The following CAMK1D variants were observed in gnomAD, a reference collection of about 807,000 sequenced individuals.
The protein encoded by CAMK1D is calcium/calmodulin dependent protein kinase ID.
In CAMK1D, 9 loss-of-function variants were observed where a neutral mutation model predicts 47.7. The ratio of observed to expected loss-of-function variants is 0.19; its 90% CI spans 0.11 to 0.33. CAMK1D has a LOEUF of 0.33. Among genes scored for constraint, CAMK1D ranks in the 10% least tolerant of loss-of-function variants. The pLI, the probability that CAMK1D is intolerant of heterozygous loss-of-function variation, is 1.00. For synonymous variants in CAMK1D, 184 were observed against 184.9 expected (o/e 0.99, Z 0.04); for missense variants, 291 against 488.7 (o/e 0.60, Z 3.81).
intron 3 of CAMK1D, among the ~76,000 whole-genome samples, chr10:12,734,284 C>T (rs1377173123): frequency 2.9e-5 from 4 of 136,400 alleles, no homozygotes; most frequent in Non-Finnish European, 6.1e-5. Context: ...GATCATGCCA[C>T]TGCACTCCAG....
intron 1 of CAMK1D, among the ~76,000 whole-genome samples, chr10:12,380,821 A>C (rs1838319190): frequency 6.6e-6 from 1 of 152,230 alleles, no homozygotes. Context: ...GCACCACTGC[A>C]CTTCAGCCTG....
chr10:12,366,000 G>T (rs1261890670), intron 1 of CAMK1D, among the ~76,000 whole-genome samples: 1 of 152,242 alleles, frequency 6.6e-6, no homozygotes, highest in African/African-American at 2.4e-5. Flanking sequence ...AGGCTGCAGT[G>T]AGCAGAGATC....
intron 1 of CAMK1D, among the ~76,000 whole-genome samples, chr10:12,377,407 G>C (rs977881752): frequency 2.4e-4 from 36 of 152,192 alleles, no homozygotes; most frequent in African/African-American, 8.7e-4. Flanking sequence ...CCTCTTATAT[G>C]AGTGGATGTT....
At chr10:12,379,766 A>G (rs981093297) in intron 1 of CAMK1D, among the ~76,000 whole-genome samples, 2 of 152,190 alleles carry the variant, frequency 1.3e-5, no homozygotes, top group African/African-American at 4.8e-5. Context: ...CAATCAATTA[A>G]TCAATGAAAG....
rs775845597 is a variant in CAMK1D, at chr10:12,542,835, T to C, written c.93-10390T>C. 6.1e-4 allele frequency among the ~76,000 whole-genome samples: 93 copies of C among 152,214 alleles called. 2 individuals carry two copies. The highest frequency in any genetic ancestry group is 2.6e-4 in the Admixed American group (4 of 15,288). Reference sequence around the variant, plus strand: ...TCAGCTCGCTGCAACAACCTCCGCCTCCCGGGTTTGAGCAATTCTCCTGCC... The same window carrying C: ...TCAGCTCGCTGCAACAACCTCCGCCCCCCGGGTTTGAGCAATTCTCCTGCC... On this transcript the variant is annotated intron_variant, in intron 1 of 10. Coordinates refer to ENST00000619168, the MANE Select transcript of CAMK1D (RefSeq NM_153498.4).
chr10:12,440,190 T>C lies in CAMK1D; in HGVS notation c.92+90280T>C, dbSNP rs139916754. 4.6e-5 allele frequency among the ~76,000 whole-genome samples: 7 copies of C among 152,316 alleles called. No homozygotes were observed. The East Asian group carries it at 1.4e-3, about 29-fold the overall frequency. On this transcript the variant is annotated intron_variant, in intron 1 of 10. Coordinates refer to ENST00000619168, the MANE Select transcript of CAMK1D (RefSeq NM_153498.4). Reference sequence around the variant, plus strand: ...TGGGTTTGGCCTGGGATTCATTTCCTTGAAACTCTTCATAAAAGTCTTACT... The same window carrying C: ...TGGGTTTGGCCTGGGATTCATTTCCCTGAAACTCTTCATAAAAGTCTTACT...
At chr10:12,532,558 C>T (rs756273732) in intron 1 of CAMK1D, among the ~76,000 whole-genome samples, 3 of 152,192 alleles carry the variant, frequency 2.0e-5, no homozygotes, top group East Asian at 1.9e-4. Flanking sequence ...GGATTACAGG[C>T]GTGAGCCACC....
chr10:12,505,470 C>G (rs571031485), intron 1 of CAMK1D, among the ~76,000 whole-genome samples: 6 of 152,306 alleles, frequency 3.9e-5, no homozygotes, highest in Non-Finnish European at 7.4e-5. Context: ...CTAATGTGAC[C>G]AGTGTCAGTG....
rs553499056 is a variant in CAMK1D at position 12,450,572 on chromosome 10, T to C, written c.92+100662T>C. On this transcript the variant is annotated intron_variant, in intron 1 of 10. Transcript: ENST00000619168. Reference sequence around the variant, plus strand: ...GGTGTCTCCAGCTGGGCTTGGCTTGTAGATTGGGCAGCTCACACATGGACA... The same window carrying C: ...GGTGTCTCCAGCTGGGCTTGGCTTGCAGATTGGGCAGCTCACACATGGACA... 1.2e-4 allele frequency among the ~76,000 whole-genome samples: 19 copies of C among 152,280 alleles called. No homozygotes were observed. In the East Asian group the frequency reaches 3.5e-3, roughly 28 times the overall value.
rs1245213141 is a variant in CAMK1D at position 12,694,539 on chromosome 10, TA to T, written c.299+27733del. Among the ~76,000 whole-genome samples, 5 of 82,788 alleles carry T rather than the reference TA, an allele frequency of 6.0e-5. No homozygotes were observed. In the South Asian group the frequency reaches 1.5e-3, roughly 25 times the overall value. 54.3% of individuals were successfully genotyped at this position (82,788 alleles called of 152,430 possible). The stretch of plus-strand genomic sequence containing the variant: ...AAATATATATGATATATATTATGTA[TA>T]AAATATATATTATATATAAAATATA... On this transcript the variant is annotated intron_variant, in intron 3 of 10. Coordinates refer to ENST00000619168, the MANE Select transcript of CAMK1D (RefSeq NM_153498.4).
chr10:12,691,525 G>A (rs760463100), intron 3 of CAMK1D, among the ~76,000 whole-genome samples: 30 of 147,430 alleles, frequency 2.0e-4, no homozygotes, highest in Non-Finnish European at 3.6e-4. Flanking sequence ...CTCTGCCTCC[G>A]GGATTCAAGG....
intron 2 of CAMK1D, among the ~76,000 whole-genome samples, chr10:12,583,608 T>TA (rs10683956): frequency 0.078 from 11,583 of 149,074 alleles, 522 homozygotes; most frequent in East Asian, 0.15. Flanking sequence ...TTGTTTTATT[T>TA]TTTTTTTTTT....
intron 2 of CAMK1D, among the ~76,000 whole-genome samples, chr10:12,614,271 C>T (rs80080322): frequency 0.22 from 34,146 of 152,126 alleles, 4,294 homozygotes; most frequent in South Asian, 0.35. Context: ...CACACACTAC[C>T]GTGTAGCAAG....
chr10:12,381,724 C>T (rs902018687), intron 1 of CAMK1D, among the ~76,000 whole-genome samples: 3 of 152,046 alleles, frequency 2.0e-5, no homozygotes, highest in Admixed American at 6.6e-5. Flanking sequence ...AGAAGCAGTC[C>T]GCGTTCATGT....
intron 1 of CAMK1D, among the ~76,000 whole-genome samples, chr10:12,363,336 C>T (rs926196311): frequency 1.2e-4 from 18 of 151,882 alleles, no homozygotes; most frequent in African/African-American, 4.4e-4. Context: ...CCCACTGCTA[C>T]CTCCTCCTCC....
At chr10:12,460,872 A>G (rs1833402387) in intron 1 of CAMK1D, among the ~76,000 whole-genome samples, 1 of 152,166 alleles carries the variant, frequency 6.6e-6, no homozygotes, top group Non-Finnish European at 1.5e-5. Flanking sequence ...TGGCCTCCCA[A>G]TTCTTAATTG....
chr10:12,433,688 A>T (rs1832550790), intron 1 of CAMK1D, among the ~76,000 whole-genome samples: 1 of 152,250 alleles, frequency 6.6e-6, no homozygotes, highest in African/African-American at 2.4e-5. Flanking sequence ...CATAGAAAAG[A>T]AAAAACAAAC....
intron 4 of CAMK1D, among the ~76,000 whole-genome samples, chr10:12,761,776 C>T (rs1836519203): frequency 6.6e-6 from 1 of 152,178 alleles, no homozygotes; most frequent in South Asian, 2.1e-4. Context: ...GTCCCAGCTA[C>T]ACAGGAAGCC....
chr10:12,622,837 G>A (rs754726140), intron 2 of CAMK1D, among the ~76,000 whole-genome samples: 2 of 151,990 alleles, frequency 1.3e-5, no homozygotes, highest in African/African-American at 4.8e-5. Flanking sequence ...TGAGTAGAGG[G>A]GAGGATGTAG....
Sources: allele counts gnomAD v4.1 joint callset (sites outside exome capture counted in the v4.1 genomes callset), GRCh38; gene constraint gnomAD v4.1.1; transcripts MANE v1.5; gene names NCBI Gene and HGNC (gene_info 2026-07-23, HGNC 2026-07-21).